Variants in ZMAT4 observed in about 807,000 individuals in gnomAD.
ZMAT4 encodes zinc finger matrin-type protein 4.
Under a neutral mutation model 28.7 loss-of-function variants are expected in ZMAT4, and 17 were observed. The observed-to-expected ratio is 0.59, with a 90% CI of 0.41 to 0.89. The LOEUF (loss-of-function observed/expected upper bound fraction) is 0.89, where lower values mean the gene tolerates loss of function less well. ZMAT4 is among the 40% of genes least tolerant of loss of function. The pLI, the probability that ZMAT4 is intolerant of heterozygous loss-of-function variation, is 0.00. For synonymous variants in ZMAT4, 117 were observed against 109.2 expected, an observed-to-expected ratio of 1.07 and a Z score of -0.44; for missense variants, 240 against 283.8, an observed-to-expected ratio of 0.85 and a Z score of 1.11.
chr8:40,723,542 CA>C (rs58513087), intron 3 of ZMAT4, among the ~76,000 whole-genome samples: 1,782 of 66,654 alleles, frequency 0.027, 15 homozygotes, highest in African/African-American at 0.099. Flanking sequence ...GATTCCATCT[CA>C]AAAAAAAAAA....
At chr8:40,836,878 A>G (rs1816512008) in intron 1 of ZMAT4, among the ~76,000 whole-genome samples, 1 of 152,186 alleles carries the variant, frequency 6.6e-6, no homozygotes, top group African/African-American at 2.4e-5. Context: ...AACGACGGTA[A>G]CTGATGTTAG....
Position 40,767,657 on chromosome 8 carries a change from C to G in ZMAT4, c.176G>C (p.Arg59Thr), listed in dbSNP as rs759153819. 3 of 1,612,908 alleles carry G rather than the reference C, an allele frequency of 1.9e-6. No homozygotes were observed. Among genetic ancestry groups the G allele is most frequent in the Non-Finnish European group, 1.7e-6 (2 of 1,179,618 alleles). ...HPRDGGCPAK[R>T]LRSENGSDAD... is the part of the protein sequence containing the mutation. ...GATACTCACATTTTCTGACCGGAGCCTCTTGGCAGGACACCCTCCATCCCT... is the reference window on the plus strand; with the variant it reads ...GATACTCACATTTTCTGACCGGAGCGTCTTGGCAGGACACCCTCCATCCCT... Residue 59 changes from arginine to threonine, a missense_variant, in exon 3 of 7, where the codon AGG becomes ACG. Physicochemically the swap from Arg to Thr is moderately conservative, Grantham distance 71. Transcript: ENST00000297737.
chr8:40,645,185 G>T (rs1043633507), intron 5 of ZMAT4, among the ~76,000 whole-genome samples: 1 of 152,114 alleles, frequency 6.6e-6, no homozygotes, highest in Non-Finnish European at 1.5e-5. Context: ...AACAGGAGAA[G>T]CTGGTTGTGG....
intron 1 of ZMAT4, among the ~76,000 whole-genome samples, chr8:40,829,110 C>T (rs1033057446): frequency 6.6e-6 from 1 of 152,184 alleles, no homozygotes; most frequent in Non-Finnish European, 1.5e-5. Flanking sequence ...TGACCTCCCC[C>T]TGGAAACATT....
At chr8:40,720,616 C>G (rs1226539922) in intron 3 of ZMAT4, among the ~76,000 whole-genome samples, 1 of 150,912 alleles carries the variant, frequency 6.6e-6, no homozygotes, top group Non-Finnish European at 1.5e-5. Context: ...CAACCTCTGC[C>G]TTCTGGATTC....
chr8:40,894,936 G>T (rs370822595), intron 1 of ZMAT4, among the ~76,000 whole-genome samples: 3 of 152,142 alleles, frequency 2.0e-5, no homozygotes, highest in Admixed American at 2.0e-4. Flanking sequence ...CTTATTTCAG[G>T]GGACAATTTT....
At chr8:40,565,211 C>G (rs1453741106) in intron 6 of ZMAT4, among the ~76,000 whole-genome samples, 2 of 152,072 alleles carry the variant, frequency 1.3e-5, no homozygotes, top group East Asian at 3.9e-4. Context: ...TCAGGTGTTA[C>G]AAAATTCAAA....
intron 1 of ZMAT4, among the ~76,000 whole-genome samples, chr8:40,858,457 C>A (rs1408085261): frequency 1.3e-5 from 2 of 152,138 alleles, no homozygotes; most frequent in Non-Finnish European, 2.9e-5. Context: ...TTTCCTCTTC[C>A]TTCTGGATCC....
At chr8:40,748,386 G>A (rs937363756) in intron 3 of ZMAT4, among the ~76,000 whole-genome samples, 4 of 152,142 alleles carry the variant, frequency 2.6e-5, no homozygotes, top group African/African-American at 9.7e-5. Flanking sequence ...TCAAATAGCT[G>A]CATTTTTAAT....
At chr8:40,661,724 G>C (rs1249723871) in intron 5 of ZMAT4, among the ~76,000 whole-genome samples, 4 of 152,180 alleles carry the variant, frequency 2.6e-5, no homozygotes, top group African/African-American at 9.7e-5. Context: ...CCACAAAAAA[G>C]CCCACAGCTT....
chr8:40,786,261 C>T (rs1814076020), intron 2 of ZMAT4, among the ~76,000 whole-genome samples: 1 of 152,096 alleles, frequency 6.6e-6, no homozygotes, highest in South Asian at 2.1e-4. Flanking sequence ...AGTGAATTTA[C>T]AAAATTGGGC....
intron 3 of ZMAT4, among the ~76,000 whole-genome samples, chr8:40,723,668 A>T (rs1426963706): frequency 6.6e-6 from 1 of 152,192 alleles, no homozygotes; most frequent in African/African-American, 2.4e-5. Flanking sequence ...TAGGAATCTA[A>T]CCAGATTTTA....
At chr8:40,848,859 C>T (rs991189621) in intron 1 of ZMAT4, among the ~76,000 whole-genome samples, 5 of 152,098 alleles carry the variant, frequency 3.3e-5, no homozygotes, top group African/African-American at 9.7e-5. Context: ...TTCAAAAATC[C>T]GTCCATTGTG....
At position 40,624,323 on chromosome 8, in the gene ZMAT4, C is replaced by T. The variant is rs139323825; in HGVS notation, c.578-43062G>A. On this transcript the variant is annotated intron_variant, in intron 5 of 6. Transcript: ENST00000297737. Reference sequence around the variant, plus strand: ...GATCATGTGAGGGTCAGCGAGAGGGCAGTGGTCTGCAACTAGGATGAGAAC... The same window carrying T: ...GATCATGTGAGGGTCAGCGAGAGGGTAGTGGTCTGCAACTAGGATGAGAAC... 1.8e-3 allele frequency among the ~76,000 whole-genome samples: 271 copies of T among 152,304 alleles called. 2 individuals are homozygous for T. The highest frequency in any genetic ancestry group is 2.9e-3 in the Non-Finnish European group (196 of 68,032).
At chr8:40,552,282 G>A (rs1055853708) in intron 6 of ZMAT4, among the ~76,000 whole-genome samples, 2 of 152,112 alleles carry the variant, frequency 1.3e-5, no homozygotes, top group Non-Finnish European at 2.9e-5. Context: ...CAATCAAGCT[G>A]CTACTATTGC....
rs1586119398 is a variant in ZMAT4, at chr8:40,823,704, C to A, written c.102+1871G>T. ...ACACATATACATATACACACACACA[C>A]ACGTGTGTGTGTGTGCGTGTGTGTT... On this transcript the variant is annotated intron_variant, in intron 2 of 6. Transcript: ENST00000297737. Among the ~76,000 whole-genome samples, 2 of 150,482 alleles carry A rather than the reference C, an allele frequency of 1.3e-5. 1 individual carries two copies. Among genetic ancestry groups the A allele is most frequent in the Non-Finnish European group, 3.0e-5 (2 of 67,680 alleles).
chr8:40,654,705 C>T (rs1471253651), intron 5 of ZMAT4, among the ~76,000 whole-genome samples: 1 of 152,048 alleles, frequency 6.6e-6, no homozygotes, highest in Admixed American at 6.6e-5. Flanking sequence ...AGATAAAAAT[C>T]GCCTGATCAT....
In ZMAT4 at chr8:40,680,226, C is replaced by T. The variant is rs556007950; in HGVS notation, c.350-5295G>A. Among the ~76,000 whole-genome samples, 122 of 152,214 alleles carry T rather than the reference C, an allele frequency of 8.0e-4. 1 individual carries two copies. Among genetic ancestry groups the T allele is most frequent in the Admixed American group, 1.9e-3 (29 of 15,274 alleles). On this transcript the variant is annotated intron_variant, in intron 4 of 6. Transcript: ENST00000297737. ...AAAAATTTACTTTCAAACAGGAAAC[C>T]TTTTACTCTGACTTGTTTATCCTGG...
chr8:40,581,539 T>C (rs1804464995), intron 5 of ZMAT4, among the ~76,000 whole-genome samples: 1 of 152,222 alleles, frequency 6.6e-6, no homozygotes, highest in African/African-American at 2.4e-5. Context: ...CATTTTATAC[T>C]CAAACAGAGA....
Sources: gnomAD v4.1 joint callset for allele counts (sites outside exome capture counted in the v4.1 genomes callset) on GRCh38, gnomAD v4.1.1 for gene constraint, MANE v1.5 for transcripts, NCBI Gene and HGNC (gene_info 2026-07-23, HGNC 2026-07-21) for gene names.